DNM1: variants seen among roughly 807,000 people sequenced by gnomAD.
DNM1 encodes dynamin-1.
In DNM1, 29 loss-of-function variants were observed where a neutral mutation model predicts 104.6. That is an observed-to-expected ratio of 0.28 (90% CI 0.21 to 0.38). The LOEUF (loss-of-function observed/expected upper bound fraction) is 0.38. DNM1 is among the 10% of genes least tolerant of loss of function. DNM1 has a pLI of 1.00. For synonymous variants in DNM1, 445 were observed against 475.8 expected (o/e 0.94, Z 0.84); for missense variants, 640 against 1,189.4 (o/e 0.54, Z 6.79).
Position 128,222,641 on chromosome 9 carries a change from C to A in DNM1, c.1128+45C>A, listed in dbSNP as rs111989915. On this transcript the variant is annotated intron_variant, in intron 8 of 21. Transcript: ENST00000372923. This position sits in a 1 kb window ranked among gnomAD's most constrained non-coding sequence, Gnocchi z 7.8. ...GGACAGGATGGCTCAGGACTCCCCC[C>A]ACCCTCACTCAGGACTCTCTCTGCG... The A allele has an allele frequency of 5.6e-6, 9 of 1,610,684 alleles. No homozygotes were observed. In the East Asian group the frequency reaches 6.7e-5, roughly 12 times the overall value.
chr9:128,226,967 C>A (rs1420799698), intron 10 of DNM1, among the ~76,000 whole-genome samples: 2 of 151,256 alleles, frequency 1.3e-5, no homozygotes, highest in Non-Finnish European at 2.9e-5. Context: ...GGCACATCCA[C>A]CTTAGCATTG....
At chr9:128,251,390 A>G (rs747123155) in intron 21 of DNM1, 1 of 318,294 alleles carries the variant, frequency 3.1e-6, no homozygotes, top group Non-Finnish European at 6.3e-6. Flanking sequence ...TCCTTCAGCT[A>G]CCCTGATGTC....
At position 128,231,194 on chromosome 9, in the gene DNM1, C is replaced by CTTTTT. The variant is rs72047067; in HGVS notation, c.1336-2807_1336-2803dup. Among the ~76,000 whole-genome samples the CTTTTT allele has an allele frequency of 1.3e-3, 91 of 68,490 alleles. 1 individual carries two copies. Among genetic ancestry groups the CTTTTT allele is most frequent in the South Asian group, 3.4e-3 (5 of 1,460 alleles). The allele number at this position is 68,490 out of a possible 152,430, so 44.9% of individuals were successfully genotyped here. ...AAAAGGAGGAAACTGATACTTTTGC[C>CTTTTT]TTTTTTTTTTTTTTTTTTTTTTTTG... On this transcript the variant is annotated intron_variant, in intron 10 of 21. Coordinates refer to ENST00000372923, the MANE Select transcript of DNM1 (RefSeq NM_004408.4).
Position 128,220,742 on chromosome 9 carries a change from C to CGTGT in DNM1, c.849+424_849+427dup, listed in dbSNP as rs140950284. 4.8e-3 allele frequency among the ~76,000 whole-genome samples: 649 copies of CGTGT among 136,348 alleles called. 7 individuals carry two copies. Among genetic ancestry groups the CGTGT allele is most frequent in the African/African-American group, 0.014 (548 of 37,808 alleles). 89.4% of individuals were successfully genotyped at this position (136,348 alleles called of 152,430 possible). ...CAGAACTGAAGTGCGCGCGCGCGCG[C>CGTGT]GTGTGTGTGTGTGTGTGTGTGTGTG... On this transcript the variant is annotated intron_variant, in intron 6 of 21. Coordinates refer to ENST00000372923, the MANE Select transcript of DNM1 (RefSeq NM_004408.4). This position sits in a 1 kb window ranked among gnomAD's most constrained non-coding sequence, Gnocchi z 5.2.
chr9:128,205,392 T>C (rs959422647), intron 1 of DNM1, among the ~76,000 whole-genome samples: 2 of 152,172 alleles, frequency 1.3e-5, no homozygotes, highest in African/African-American at 4.8e-5. Flanking sequence ...GAGTCCTTCA[T>C]AGGCTCACAG....
At position 128,250,832 on chromosome 9, in the gene DNM1, T is replaced by C; in HGVS notation, c.2426T>C (p.Leu809Pro). 1 of 1,305,402 alleles carries C rather than the reference T, an allele frequency of 7.7e-7. No individual in the cohort carries two copies. The highest frequency in any genetic ancestry group is 9.7e-7 in the Non-Finnish European group (1 of 1,035,154). The allele number at this position is 1,305,402 out of a possible 1,614,324, so 80.9% of individuals were successfully genotyped here. ...APGPPPAGSA[L>P]GGAPPVPSRP... The stretch of plus-strand genomic sequence containing the variant: ...GGGCCTCCGCCTGCTGGGTCCGCCC[T>C]GGGGGGGGCGCCCCCCGTGCCCTCC... Residue 809 changes from leucine (L) to proline (P), a missense_variant, in exon 21 of 22, where the codon CTG (leucine) becomes CCG (proline). Coordinates refer to ENST00000372923, the MANE Select transcript of DNM1 (RefSeq NM_004408.4).
chr9:128,210,717 T>A (rs1354180981), intron 1 of DNM1, among the ~76,000 whole-genome samples: 1 of 152,070 alleles, frequency 6.6e-6, no homozygotes, highest in Non-Finnish European at 1.5e-5. Context: ...ACACAGCAAT[T>A]GAATCAGAGG....
At position 128,247,988 on chromosome 9, in the gene DNM1, C is replaced by A. The variant is rs759614301; in HGVS notation, c.1905+53C>A. ...CCAGGCATCTGCAGCCTGGCACCAGCTCCAGCCAGGTTTTCAAGCAAGGGA... is the reference window on the plus strand; with the variant it reads ...CCAGGCATCTGCAGCCTGGCACCAGATCCAGCCAGGTTTTCAAGCAAGGGA... On this transcript the variant is annotated intron_variant, in intron 18 of 21. Coordinates refer to ENST00000372923, the MANE Select transcript of DNM1 (RefSeq NM_004408.4). The surrounding 1 kb of genome is among the most constrained non-coding windows in gnomAD (Gnocchi z 5.1). The A allele has an allele frequency of 1.2e-6, 2 of 1,612,698 alleles. No individual in the cohort carries two copies. The highest frequency in any genetic ancestry group is 1.1e-5 in the South Asian group (1 of 91,064).
At position 128,229,350 on chromosome 9, in the gene DNM1, G is replaced by A. The variant is rs559431184; in HGVS notation, c.1336-4671G>A. ...TTCAGTTGCACCACTGCACTCCTGG[G>A]TTATTTTAGAGACCCTGTCTCTAAA... On this transcript the variant is annotated intron_variant, in intron 10 of 21. Coordinates refer to ENST00000372923, the MANE Select transcript of DNM1 (RefSeq NM_004408.4). Among the ~76,000 whole-genome samples the A allele has an allele frequency of 3.7e-4, 56 of 150,388 alleles. 1 individual carries two copies. Among genetic ancestry groups the A allele is most frequent in the Non-Finnish European group, 7.2e-4 (49 of 67,750 alleles).
rs894792050 is a variant in DNM1 at position 128,218,037 on chromosome 9, C to T, written c.162-194C>T. ...AGATGCATAAATTCTGTGACCCAGG[C>T]GACTTGAGGAAAAGTATTTTCCACC... On this transcript the variant is annotated intron_variant, in intron 1 of 21. Transcript: ENST00000372923. This position sits in a 1 kb window ranked among gnomAD's most constrained non-coding sequence, Gnocchi z 4.8. Among the ~76,000 whole-genome samples the T allele has an allele frequency of 6.6e-6, 1 of 152,146 alleles. No homozygotes were observed. The highest frequency in any genetic ancestry group is 2.4e-5 in the African/African-American group (1 of 41,430).
At chr9:128,209,715 A>G (rs1418710190) in intron 1 of DNM1, among the ~76,000 whole-genome samples, 1 of 152,154 alleles carries the variant, frequency 6.6e-6, no homozygotes, top group Non-Finnish European at 1.5e-5. Flanking sequence ...TCACTTGTGA[A>G]CACCCCAGCC....
chr9:128,245,382 G>A lies in DNM1; in HGVS notation c.1672-1012G>A, dbSNP rs1352409956. ...TCATGCCCAACCTCTTTGAGTCCCC[G>A]AGGCCCACACAGACGACCCCCGTGA... On this transcript the variant is annotated intron_variant, in intron 15 of 21. Coordinates refer to ENST00000372923, the MANE Select transcript of DNM1 (RefSeq NM_004408.4). This position sits in a 1 kb window ranked among gnomAD's most constrained non-coding sequence, Gnocchi z 5.2. Among the ~76,000 whole-genome samples the A allele has an allele frequency of 2.0e-5, 3 of 151,446 alleles. No individual in the cohort carries two copies. Among genetic ancestry groups the A allele is most frequent in the African/African-American group, 4.9e-5 (2 of 41,132 alleles).
intron 1 of DNM1, among the ~76,000 whole-genome samples, chr9:128,211,468 G>GCC (rs1834291915): frequency 7.3e-6 from 1 of 136,768 alleles, no homozygotes; most frequent in African/African-American, 2.7e-5. Flanking sequence ...TCGCCTGGAA[G>GCC]CCTCTTTTTT....
chr9:128,239,618 A>C (rs1836241190), intron 12 of DNM1, 103 bp downstream of exon 12: 1 of 1,048,834 alleles, frequency 9.5e-7, no homozygotes, highest in African/African-American at 1.9e-5. Flanking sequence ...GTGTGTGTGT[A>C]GAGCCCAGGT....
rs1001729589 is a variant in DNM1 at position 128,222,012 on chromosome 9, C to T, written c.850-185C>T. 6.6e-6 allele frequency among the ~76,000 whole-genome samples: 1 copy of T among 152,164 alleles called. No homozygotes were observed. Among genetic ancestry groups the T allele is most frequent in the Non-Finnish European group, 1.5e-5 (1 of 68,032 alleles). On this transcript the variant is annotated intron_variant, in intron 6 of 21. Transcript: ENST00000372923. This position sits in a 1 kb window ranked among gnomAD's most constrained non-coding sequence, Gnocchi z 7.8. ...ATTGAAAATTATGCACTCATTAATT[C>T]AACTAATACATCTCTGCAAGCTCCT... is the stretch of plus-strand genomic sequence containing the variant.
At chr9:128,207,924 G>A (rs558526898) in intron 1 of DNM1, among the ~76,000 whole-genome samples, 4 of 152,110 alleles carry the variant, frequency 2.6e-5, no homozygotes, top group African/African-American at 7.2e-5. Context: ...CCTGAGGAGC[G>A]ACCCTCTGCC....
chr9:128,246,818 C>T (rs1229355396), intron 16 of DNM1: 5 of 431,978 alleles, frequency 1.2e-5, no homozygotes, highest in Non-Finnish European at 2.2e-5. Flanking sequence ...CCCTCCGTCC[C>T]TTCCTCCCTT....
chr9:128,211,299 A>T (rs1456824917), intron 1 of DNM1, among the ~76,000 whole-genome samples: 1 of 151,888 alleles, frequency 6.6e-6, no homozygotes, highest in Admixed American at 6.6e-5. Context: ...TCAAAACGGA[A>T]CCCCACACCT....
At position 128,243,776 on chromosome 9, in the gene DNM1, C is replaced by A. The variant is rs994798496; in HGVS notation, c.1671+1431C>A. Among the ~76,000 whole-genome samples the A allele has an allele frequency of 3.9e-5, 6 of 152,118 alleles. No homozygotes were observed. The highest frequency in any genetic ancestry group is 1.4e-4 in the African/African-American group (6 of 41,416). Reference sequence around the variant, plus strand: ...ACCGGGTGACACTGTGGGGGAGGGGCACGTGCCACTGAGGGGGTCCCCTGA... The same window carrying A: ...ACCGGGTGACACTGTGGGGGAGGGGAACGTGCCACTGAGGGGGTCCCCTGA... On this transcript the variant is annotated intron_variant, in intron 15 of 21. Transcript: ENST00000372923. This position sits in a 1 kb window ranked among gnomAD's most constrained non-coding sequence, Gnocchi z 4.0.
Sources: allele counts gnomAD v4.1 joint callset (sites outside exome capture counted in the v4.1 genomes callset), GRCh38; gene constraint gnomAD v4.1.1; non-coding constraint Gnocchi (gnomAD v3.1); transcripts MANE v1.5; gene names NCBI Gene and HGNC (gene_info 2026-07-23, HGNC 2026-07-21).